The following MKLN1 variants were observed in gnomAD, a reference collection of about 807,000 sequenced individuals.
MKLN1 encodes the protein muskelin.
Under a neutral mutation model 99.0 loss-of-function variants are expected in MKLN1, and 18 were observed. That is an observed-to-expected ratio of 0.18 (90% CI 0.13 to 0.27). The LOEUF (loss-of-function observed/expected upper bound fraction) is 0.27. Ranked by LOEUF, MKLN1 falls within the 10% of genes least tolerant of loss-of-function variation. MKLN1 has a pLI of 1.00. For missense variants in MKLN1, 621 were observed against 875.9 expected, an observed-to-expected ratio of 0.71 and a Z score of 3.67; for synonymous variants, 288 against 293.2, an observed-to-expected ratio of 0.98 and a Z score of 0.18.
intron 3 of MKLN1, among the ~76,000 whole-genome samples, chr7:131,292,183 TG>T (rs1405055098): frequency 1.3e-5 from 2 of 152,176 alleles, no homozygotes; most frequent in African/African-American, 4.8e-5. Flanking sequence ...ATGAAAATGT[TG>T]TTTGTATGGT....
intron 1 of MKLN1, among the ~76,000 whole-genome samples, chr7:131,356,382 T>TG (rs780911296): frequency 6.6e-6 from 1 of 152,194 alleles, no homozygotes; most frequent in South Asian, 2.1e-4. Flanking sequence ...GGTGTGCATG[T>TG]GGGGTGGAGC....
chr7:131,229,364 AC>A (rs1797207310), intron 3 of MKLN1, among the ~76,000 whole-genome samples: 1 of 144,548 alleles, frequency 6.9e-6, no homozygotes, highest in South Asian at 2.2e-4. Context: ...CCCCACCCCC[AC>A]ACCCGATTGG....
chr7:131,252,227 GA>G (rs951299615), intron 3 of MKLN1, among the ~76,000 whole-genome samples: 2 of 151,866 alleles, frequency 1.3e-5, no homozygotes, highest in African/African-American at 4.8e-5. Context: ...ACAGTAGGGG[GA>G]AAAACAATGG....
chr7:131,240,052 G>C (rs111652237), intron 3 of MKLN1, among the ~76,000 whole-genome samples: 1 of 151,980 alleles, frequency 6.6e-6, no homozygotes, highest in Admixed American at 6.6e-5. Context: ...ATGATGGTGC[G>C]TGCTTTTAGT....
chr7:131,469,255 C>G lies in MKLN1; in HGVS notation c.1929-1587C>G, dbSNP rs545751092. 3.9e-5 allele frequency among the ~76,000 whole-genome samples: 6 copies of G among 152,252 alleles called. No individual in the cohort carries two copies. The East Asian group carries it at 1.2e-3, about 29-fold the overall frequency. The stretch of plus-strand genomic sequence containing the variant: ...CCGGCCAGACGGACGGACGGACAGA[C>G]AGAATCTGCCATCTCATGGCTTCTG... On this transcript the variant is annotated intron_variant, in intron 15 of 17. Coordinates refer to ENST00000352689, the MANE Select transcript of MKLN1 (RefSeq NM_013255.5).
Position 131,247,235 on chromosome 7 carries a change from C to CTTTTT in MKLN1, c.-179+44271_-179+44275dup, listed in dbSNP as rs72068521. Reference sequence around the variant, plus strand: ...TTACCTTTTCTTCTTTTTCTTTTTTCTTTTTTTTTTTTTTGTCACCATGGC... The same window carrying CTTTTT: ...TTACCTTTTCTTCTTTTTCTTTTTTCTTTTTTTTTTTTTTTTTTTGTCACCATGGC... On this transcript the variant is annotated intron_variant, in intron 3 of 7. Coordinates refer to the MKLN1 transcript ENST00000416992. Among the ~76,000 whole-genome samples the CTTTTT allele has an allele frequency of 3.7e-4, 52 of 141,168 alleles. 1 individual carries two copies. In the South Asian group the frequency reaches 6.7e-3, roughly 18 times the overall value. The allele number at this position is 141,168 out of a possible 152,430, so 92.6% of individuals were successfully genotyped here.
At chr7:131,192,270 A>T (rs1228160036) in intron 2 of MKLN1, among the ~76,000 whole-genome samples, 17 of 87,846 alleles carry the variant, frequency 1.9e-4, no homozygotes, top group African/African-American at 7.1e-4. Context: ...CAATATATAA[A>T]TATATAAAAT....
chr7:131,147,219 T>TG (rs1795827272), intron 2 of MKLN1, among the ~76,000 whole-genome samples: 1 of 29,176 alleles, frequency 3.4e-5, no homozygotes, highest in South Asian at 6.4e-4. Context: ...ACCCAGCTAT[T>TG]TTTTTTTTTT....
At chr7:131,148,418 A>C (rs1341480534) in intron 2 of MKLN1, among the ~76,000 whole-genome samples, 4 of 152,230 alleles carry the variant, frequency 2.6e-5, no homozygotes, top group Non-Finnish European at 4.4e-5. Flanking sequence ...GAAATGGAGA[A>C]ATAAAGCACA....
intron 3 of MKLN1, among the ~76,000 whole-genome samples, chr7:131,215,450 TCC>T (rs1796966731): frequency 6.6e-6 from 1 of 152,094 alleles, no homozygotes; most frequent in Non-Finnish European, 1.5e-5. Flanking sequence ...GCTCAAGGGA[TCC>T]TTCTGTCTCA....
At chr7:131,373,017 G>T (rs1316393162) in intron 1 of MKLN1, among the ~76,000 whole-genome samples, 1 of 151,480 alleles carries the variant, frequency 6.6e-6, no homozygotes, top group Non-Finnish European at 1.5e-5. Context: ...AAAACATTTA[G>T]AAGAGTGTCT....
At chr7:131,472,764 T>C (rs1005876703) in intron 16 of MKLN1, among the ~76,000 whole-genome samples, 1 of 151,810 alleles carries the variant, frequency 6.6e-6, no homozygotes, top group Non-Finnish European at 1.5e-5. Context: ...TCCTGGCTAA[T>C]GCGATGAAAC....
intron 1 of MKLN1, among the ~76,000 whole-genome samples, chr7:131,135,186 G>A (rs969626887): frequency 5.3e-5 from 8 of 152,190 alleles, no homozygotes; most frequent in Admixed American, 1.3e-4. Context: ...GCAGCAGAGC[G>A]ATCTCGGCTC....
chr7:131,194,883 G>A (rs763709548), intron 2 of MKLN1, among the ~76,000 whole-genome samples: 64 of 152,158 alleles, frequency 4.2e-4, no homozygotes, highest in Admixed American at 3.9e-4. Flanking sequence ...GCATTCAGGT[G>A]ACAAATTTAA....
chr7:131,458,309 C>A lies in MKLN1; in HGVS notation c.1526-4908C>A, dbSNP rs147566113. On this transcript the variant is annotated intron_variant, in intron 12 of 17. Coordinates refer to ENST00000352689, the MANE Select transcript of MKLN1 (RefSeq NM_013255.5). Reference sequence around the variant, plus strand: ...GGCATATTTGCCTTAGCACATTTGCCGTATAGATACCCACAGTAGAAACCC... The same window carrying A: ...GGCATATTTGCCTTAGCACATTTGCAGTATAGATACCCACAGTAGAAACCC... 3.3e-5 allele frequency among the ~76,000 whole-genome samples: 5 copies of A among 152,196 alleles called. 1 individual carries two copies. The East Asian group carries it at 9.7e-4, about 29-fold the overall frequency.
At chr7:131,369,811 A>G (rs970987323) in intron 1 of MKLN1, among the ~76,000 whole-genome samples, 23 of 152,108 alleles carry the variant, frequency 1.5e-4, no homozygotes, top group Non-Finnish European at 2.9e-5. Flanking sequence ...GTATATGTGT[A>G]TGTTTAGATC....
At chr7:131,481,783 A>G (rs1797126287) in intron 17 of MKLN1, among the ~76,000 whole-genome samples, 1 of 147,830 alleles carries the variant, frequency 6.8e-6, no homozygotes, top group Non-Finnish European at 1.5e-5. Context: ...CTTTCATTGT[A>G]TAAATGAATA....
intron 3 of MKLN1, among the ~76,000 whole-genome samples, chr7:131,224,321 A>AATCAATCGCTT (rs1554539396): frequency 4.0e-5 from 6 of 151,032 alleles, no homozygotes; most frequent in East Asian, 2.0e-4. Flanking sequence ...CAAGGTGGGC[A>AATCAATCGCTT]GATCCCCTTA....
chr7:131,235,558 G>A lies in MKLN1; in HGVS notation c.-179+32584G>A, dbSNP rs187217305. The stretch of plus-strand genomic sequence containing the variant: ...ACACTCTCTTCAGCCTCCATATGAC[G>A]ATTTGTTACAGAATCCTGGTACTTC... On this transcript the variant is annotated intron_variant, in intron 3 of 7. Coordinates refer to the MKLN1 transcript ENST00000416992. 4.9e-4 allele frequency among the ~76,000 whole-genome samples: 74 copies of A among 152,140 alleles called. 1 individual carries two copies. The highest frequency in any genetic ancestry group is 1.6e-3 in the African/African-American group (65 of 41,506).
Sources: allele counts gnomAD v4.1 joint callset (sites outside exome capture counted in the v4.1 genomes callset), GRCh38; gene constraint gnomAD v4.1.1; transcripts MANE v1.5; gene names NCBI Gene and HGNC (gene_info 2026-07-23, HGNC 2026-07-21).